The following GABRR1 variants were observed in gnomAD, a reference collection of about 807,000 sequenced individuals.
GABRR1 encodes the protein gamma-aminobutyric acid type A receptor subunit rho1, also known as gamma-aminobutyric acid receptor subunit rho-1.
GABRR1 carries 59 observed loss-of-function variants against 55.5 expected under a neutral mutation model. The ratio of observed to expected loss-of-function variants is 1.06; its 90% CI spans 0.86 to 1.32. The LOEUF is 1.32. Ranked by LOEUF, GABRR1 falls within the 40% of genes most tolerant of loss-of-function variation. The pLI is 0.00. For missense variants in GABRR1, 602 were observed against 619.1 expected, an observed-to-expected ratio of 0.97 and a Z score of 0.29; for synonymous variants, 213 against 226.0, an observed-to-expected ratio of 0.94 and a Z score of 0.51.
chr6:89,195,457 C>T lies in GABRR1; in HGVS notation c.572+2563G>A, dbSNP rs369410872. 1.0e-3 allele frequency among the ~76,000 whole-genome samples: 150 copies of T among 150,522 alleles called. 1 individual carries two copies. The highest frequency in any genetic ancestry group is 7.8e-3 in the East Asian group (40 of 5,136). ...CAGCCTGGGCAGCAGAGTAAGACTC[C>T]GTCTCCAAAAAAAAAAAAGCTCCAA... On this transcript the variant is annotated intron_variant, in intron 5 of 9. Coordinates refer to ENST00000454853, the MANE Select transcript of GABRR1 (RefSeq NM_002042.5).
At chr6:89,225,709 A>G (rs370881617) in intron 1 of GABRR1, among the ~76,000 whole-genome samples, 2 of 103,770 alleles carry the variant, frequency 1.9e-5, no homozygotes, top group East Asian at 2.3e-4. Context: ...ATTGTGAATA[A>G]TGCCGCAATA....
At chr6:89,207,680 A>G (rs1000941045) in intron 1 of GABRR1, among the ~76,000 whole-genome samples, 2 of 152,192 alleles carry the variant, frequency 1.3e-5, no homozygotes, top group Admixed American at 1.3e-4. Flanking sequence ...CTGATTACAC[A>G]TTGGAATCAC....
intron 1 of GABRR1, chr6:89,204,588 G>A: frequency 8.0e-7 from 1 of 1,257,424 alleles, no homozygotes; most frequent in Non-Finnish European, 1.0e-6. Context: ...GCTTGGCCCA[G>A]CTCTTACTTT....
chr6:89,197,241 C>T (rs1332614860), intron 5 of GABRR1, among the ~76,000 whole-genome samples: 1 of 152,216 alleles, frequency 6.6e-6, no homozygotes, highest in Non-Finnish European at 1.5e-5. Context: ...GTGGATTCAT[C>T]TTTACCATTC....
At position 89,181,999 on chromosome 6, in the gene GABRR1, C is replaced by T; in HGVS notation, c.855G>A (p.Leu285=). Residue 285 remains leucine, a synonymous_variant, in exon 8 of 10, where the codon TTG becomes TTA. Transcript: ENST00000454853. ...GGGTAGCGGGGAAATAAGTTTGGAGCAAGAAGAAGAAGATGTGGCGACGCA... is the reference window on the plus strand; with the variant it reads ...GGGTAGCGGGGAAATAAGTTTGGAGTAAGAAGAAGAAGATGTGGCGACGCA... The part of the protein sequence containing the change: ...FTLRRHIFFF[L]LQTYFPATLM... The T allele has an allele frequency of 1.9e-6, 3 of 1,613,836 alleles. No homozygotes were observed. The highest frequency in any genetic ancestry group is 2.5e-6 in the Non-Finnish European group (3 of 1,179,942).
chr6:89,204,190 G>A (rs182429957), intron 1 of GABRR1, among the ~76,000 whole-genome samples: 7 of 152,248 alleles, frequency 4.6e-5, no homozygotes, highest in East Asian at 3.9e-4. Flanking sequence ...CCTTTTATTC[G>A]ATCATCATGA....
intron 3 of GABRR1, 43 bp downstream of exon 3, chr6:89,201,116 G>A: frequency 7.0e-7 from 1 of 1,430,738 alleles, no homozygotes; most frequent in South Asian, 1.2e-5. Flanking sequence ...CACAGACAGA[G>A]GACCAGAAGA....
chr6:89,220,306 A>G (rs545454830), upstream of GABRR1, among the ~76,000 whole-genome samples: 253 of 152,284 alleles, frequency 1.7e-3, no homozygotes, highest in Non-Finnish European at 2.6e-3. Flanking sequence ...CTGGTTCAGC[A>G]GGTCCCCAGT....
At chr6:89,194,239 C>G (rs1772190371) in intron 5 of GABRR1, among the ~76,000 whole-genome samples, 1 of 152,148 alleles carries the variant, frequency 6.6e-6, no homozygotes, top group Non-Finnish European at 1.5e-5. Flanking sequence ...CCCCTGGGCA[C>G]GAACCCCTAG....
chr6:89,193,051 C>T (rs1772151709), intron 5 of GABRR1, among the ~76,000 whole-genome samples: 1 of 152,134 alleles, frequency 6.6e-6, no homozygotes, highest in South Asian at 2.1e-4. Flanking sequence ...GCTCCTCCAC[C>T]CACTGCACTG....
rs148004044 is a variant in GABRR1, at chr6:89,222,925, C to T, written c.-410-1479G>A. 4.6e-4 allele frequency among the ~76,000 whole-genome samples: 70 copies of T among 152,270 alleles called. No individual in the cohort carries two copies. In the East Asian group the frequency reaches 0.011, roughly 25 times the overall value. ...ACTGTGGTGCCAAGGATCAATAGAC[C>T]GTTAAACTATGACGTTTTGATAGCA... On this transcript the variant is annotated intron_variant, in intron 1 of 11. Coordinates refer to the GABRR1 transcript ENST00000369451.
intron 1 of GABRR1, among the ~76,000 whole-genome samples, chr6:89,215,319 A>T (rs1032584640): frequency 4.6e-5 from 7 of 152,242 alleles, no homozygotes; most frequent in Admixed American, 3.3e-4. Flanking sequence ...TGAATGGATA[A>T]AGAGAATGTG....
chr6:89,224,610 A>G (rs1219975873), intron 1 of GABRR1, among the ~76,000 whole-genome samples: 1 of 151,808 alleles, frequency 6.6e-6, no homozygotes, highest in Admixed American at 6.6e-5. Flanking sequence ...ATTTTCTCCC[A>G]CTCTGTGGGT....
chr6:89,211,677 C>G (rs1385351784), intron 1 of GABRR1, among the ~76,000 whole-genome samples: 3 of 152,146 alleles, frequency 2.0e-5, no homozygotes, highest in Non-Finnish European at 4.4e-5. Context: ...GATGGCACAG[C>G]CTGCATCTCA....
intron 9 of GABRR1, 97 bp downstream of exon 9, chr6:89,180,194 AT>A (rs1472837233): frequency 1.5e-5 from 20 of 1,322,514 alleles, no homozygotes; most frequent in Admixed American, 2.5e-5. Context: ...AGAGGGTATC[AT>A]GACCTTGCTT....
chr6:89,219,548 A>C (rs917034331), upstream of GABRR1, among the ~76,000 whole-genome samples: 1 of 152,202 alleles, frequency 6.6e-6, no homozygotes, highest in African/African-American at 2.4e-5. Flanking sequence ...GAAATGAGCA[A>C]AATAGATTAC....
rs199942652 is a variant in GABRR1 at position 89,198,144 on chromosome 6, C to T, written c.448G>A (p.Val150Ile). 7 of 1,614,070 alleles carry T rather than the reference C, an allele frequency of 4.3e-6. No individual in the cohort carries two copies. Among genetic ancestry groups the T allele is most frequent in the Non-Finnish European group, 5.1e-6 (6 of 1,180,008 alleles). Residue 150 changes from valine to isoleucine, a missense_variant, in exon 5 of 10, where the codon GTC becomes ATC. Physicochemically the swap from Val to Ile is conservative, Grantham distance 29. Around this residue, in one of 3 missense-constraint regions of GABRR1, gnomAD observed 435 missense variants for 424.2 expected, o/e 1.03. Transcript: ENST00000454853. ...NLSMTFDGRL[V>I]KKIWVPDMFF... ...ATGTCAGGGACCCAGATCTTCTTGA[C>T]CAGCCGGCCGTCAAACGTCATGCTG...
chr6:89,220,441 T>C (rs555367672), upstream of GABRR1, among the ~76,000 whole-genome samples: 97 of 152,336 alleles, frequency 6.4e-4, no homozygotes, highest in Middle Eastern at 3.4e-3. Context: ...CCTTTCTGCT[T>C]TGGGCTTGAG....
upstream of GABRR1, among the ~76,000 whole-genome samples, chr6:89,218,994 G>A (rs1231406652): frequency 4.7e-5 from 3 of 63,470 alleles, no homozygotes; most frequent in South Asian, 3.8e-4. Context: ...GGCGGGGCAC[G>A]GTGGCTCACG....
Sources: gnomAD v4.1 joint callset for allele counts (sites outside exome capture counted in the v4.1 genomes callset) on GRCh38, gnomAD v4.1.1 for gene constraint, gnomAD v4.1.1 regional missense constraint, MANE v1.5 for transcripts, NCBI Gene and HGNC (gene_info 2026-07-23, HGNC 2026-07-21) for gene names.